PLXDC1: variants seen among roughly 807,000 people sequenced by gnomAD.
The protein encoded by PLXDC1 is plexin domain-containing protein 1.
Under a neutral mutation model 61.3 loss-of-function variants are expected in PLXDC1, and 39 were observed. That is an observed-to-expected ratio of 0.64 (90% CI 0.49 to 0.83). The LOEUF is 0.83. PLXDC1 is among the 40% of genes least tolerant of loss of function. PLXDC1 has a pLI of 0.00. For synonymous variants in PLXDC1, 212 were observed against 254.5 expected, an observed-to-expected ratio of 0.83 and a Z score of 1.59; for missense variants, 596 against 666.5, an observed-to-expected ratio of 0.89 and a Z score of 1.17.
At chr17:39,101,742 C>T (rs1004851480) in intron 7 of PLXDC1, among the ~76,000 whole-genome samples, 1 of 152,156 alleles carries the variant, frequency 6.6e-6, no homozygotes. Context: ...CAAGTAGAAG[C>T]AGCAAAAACT....
At chr17:39,068,936 G>A (rs963378361) in intron 13 of PLXDC1, among the ~76,000 whole-genome samples, 2 of 152,176 alleles carry the variant, frequency 1.3e-5, no homozygotes, top group African/African-American at 2.4e-5. Flanking sequence ...CAGAAGTGGA[G>A]GACTGGGGGC....
chr17:39,107,903 A>G, intron 5 of PLXDC1: 1 of 603,846 alleles, frequency 1.7e-6, no homozygotes, highest in Non-Finnish European at 2.9e-6. Flanking sequence ...ACCTCGACTA[A>G]GAGCCAAGCA....
At chr17:39,120,228 G>A (rs35008524) in intron 2 of PLXDC1, among the ~76,000 whole-genome samples, 2 of 151,924 alleles carry the variant, frequency 1.3e-5, no homozygotes, top group African/African-American at 2.4e-5. Context: ...CTCGGCTCAC[G>A]GCAACCTCTG....
In PLXDC1 at chr17:39,139,634, C is replaced by T; in HGVS notation, c.255+20G>A. 6.3e-7 allele frequency: 1 copy of T among 1,587,874 alleles called. No individual in the cohort carries two copies. The highest frequency in any genetic ancestry group is 8.6e-7 in the Non-Finnish European group (1 of 1,162,802). ...CCCCACCCCCACTTCGCTCCCCCTC[C>T]ATGTTCCTCCAGCACTCACCACCAC... On this transcript the variant is annotated intron_variant, in intron 2 of 13. Coordinates refer to ENST00000315392, the MANE Select transcript of PLXDC1 (RefSeq NM_020405.5).
At chr17:39,094,967 G>A (rs1910095380) in intron 7 of PLXDC1, among the ~76,000 whole-genome samples, 1 of 152,184 alleles carries the variant, frequency 6.6e-6, no homozygotes, top group African/African-American at 2.4e-5. Context: ...GGAAATGGGA[G>A]GGACAAAGGG....
chr17:39,104,226 G>T (rs777658657), intron 7 of PLXDC1, among the ~76,000 whole-genome samples: 1 of 152,176 alleles, frequency 6.6e-6, no homozygotes, highest in Non-Finnish European at 1.5e-5. Flanking sequence ...TAGGGGCAAA[G>T]TATCACTCTT....
At chr17:39,149,463 T>C (rs1016343294) in intron 1 of PLXDC1, among the ~76,000 whole-genome samples, 2 of 152,142 alleles carry the variant, frequency 1.3e-5, no homozygotes, top group Non-Finnish European at 2.9e-5. Context: ...ACCTGGCCTG[T>C]GAAAAGGGCA....
intron 2 of PLXDC1, among the ~76,000 whole-genome samples, chr17:39,115,758 C>T (rs1290408567): frequency 6.6e-6 from 1 of 152,036 alleles, no homozygotes; most frequent in Non-Finnish European, 1.5e-5. Context: ...TACTGCAGGG[C>T]AACCCTAGGA....
At chr17:39,129,732 A>AAAGAAAGAAAGAAAG (rs1270949450) in intron 2 of PLXDC1, among the ~76,000 whole-genome samples, 2 of 143,346 alleles carry the variant, frequency 1.4e-5, no homozygotes, top group Non-Finnish European at 3.1e-5. Context: ...AAGAAAGAAA[A>AAAGAAAGAAAGAAAG]GAAAGAAAGG....
intron 1 of PLXDC1, among the ~76,000 whole-genome samples, chr17:39,143,759 C>T (rs1056293310): frequency 1.3e-5 from 2 of 152,242 alleles, no homozygotes; most frequent in South Asian, 2.1e-4. Context: ...TGCTGGAGCA[C>T]GTGGGGAGGA....
chr17:39,151,218 C>T lies in PLXDC1; in HGVS notation c.76+144G>A, dbSNP rs537464665. On this transcript the variant is annotated intron_variant, in intron 1 of 13. Coordinates refer to ENST00000315392, the MANE Select transcript of PLXDC1 (RefSeq NM_020405.5). This position sits in a 1 kb window ranked among gnomAD's most constrained non-coding sequence, Gnocchi z 5.2. ...AAAGTGGGGTCCCTATCCACCTGCC[C>T]ACAGCCCACAGCTCTCCTGGCCTCC... is the stretch of plus-strand genomic sequence containing the variant. 59 of 559,084 alleles carry T rather than the reference C, an allele frequency of 1.1e-4. No individual in the cohort carries two copies. In the Middle Eastern group the frequency reaches 2.1e-3, roughly 20 times the overall value. The allele number at this position is 559,084 out of a possible 1,614,324, so 34.6% of individuals were successfully genotyped here.
At chr17:39,105,095 T>G (rs1288077251) in intron 7 of PLXDC1, among the ~76,000 whole-genome samples, 1 of 151,710 alleles carries the variant, frequency 6.6e-6, no homozygotes. Context: ...CCAGGTGGGG[T>G]GGGAAGGGCA....
chr17:39,080,789 ACTC>A lies in PLXDC1; in HGVS notation c.990-1628_990-1626del, dbSNP rs372577046. 2.3e-3 allele frequency: 353 copies of A among 151,974 alleles called. 1 individual carries two copies. Among genetic ancestry groups the A allele is most frequent in the African/African-American group, 8.3e-3 (343 of 41,408 alleles). 9.4% of individuals were successfully genotyped at this position (151,974 alleles called of 1,614,324 possible). ...CTCTGTGCTCCTCTTTGCTGACACA[ACTC>A]CTGCAGATGCACACAGTCAGAGGCC... On this transcript the variant is annotated intron_variant, in intron 9 of 13. Coordinates refer to ENST00000315392, the MANE Select transcript of PLXDC1 (RefSeq NM_020405.5).
chr17:39,074,033 C>T (rs1909228157), intron 11 of PLXDC1, among the ~76,000 whole-genome samples: 1 of 152,088 alleles, frequency 6.6e-6, no homozygotes, highest in Admixed American at 6.6e-5. Context: ...TGCTGGGTCC[C>T]TTCATTCAAT....
At chr17:39,094,138 G>A (rs1910057229) in intron 7 of PLXDC1, among the ~76,000 whole-genome samples, 1 of 145,956 alleles carries the variant, frequency 6.9e-6, no homozygotes, top group Non-Finnish European at 1.5e-5. Flanking sequence ...TGTGCTGCAG[G>A]TGCCCCTGAG....
chr17:39,148,638 T>C (rs748987751), intron 1 of PLXDC1, among the ~76,000 whole-genome samples: 145 of 152,276 alleles, frequency 9.5e-4, no homozygotes, highest in Middle Eastern at 3.4e-3. Context: ...TTTCACCATG[T>C]TAGCCAGGCT....
At chr17:39,152,653 G>A, upstream of PLXDC1, 1 of 1,240,298 alleles carries the variant, frequency 8.1e-7, no homozygotes, top group East Asian at 3.2e-5. Flanking sequence ...AAACCGCGGA[G>A]AGGAAGGGTG....
At chr17:39,140,272 C>A (rs1911892255) in intron 1 of PLXDC1, among the ~76,000 whole-genome samples, 1 of 152,166 alleles carries the variant, frequency 6.6e-6, no homozygotes, top group African/African-American at 2.4e-5. Flanking sequence ...TCTCTTGTAA[C>A]TGGTCTATGG....
At chr17:39,111,918 A>G (rs1598202094) in intron 2 of PLXDC1, 1 of 152,316 alleles carries the variant, frequency 6.6e-6, no homozygotes, top group East Asian at 1.9e-4. Context: ...CACTGAAGCC[A>G]CTGCTTCTGC....
Sources: gnomAD v4.1 joint callset for allele counts (sites outside exome capture counted in the v4.1 genomes callset) on GRCh38, gnomAD v4.1.1 for gene constraint, Gnocchi (gnomAD v3.1) non-coding constraint, MANE v1.5 for transcripts, NCBI Gene and HGNC (gene_info 2026-07-23, HGNC 2026-07-21) for gene names.